Variants in ARHGAP32 observed in about 807,000 individuals in gnomAD.
The protein encoded by ARHGAP32 is rho GTPase-activating protein 32.
In ARHGAP32, 51 loss-of-function variants were observed where a neutral mutation model predicts 186.5. The observed-to-expected ratio is 0.27, with a 90% CI of 0.22 to 0.35. The LOEUF is 0.35. Ranked by LOEUF, ARHGAP32 falls within the 10% of genes least tolerant of loss-of-function variation. The pLI is 1.00. For synonymous variants in ARHGAP32, 950 were observed against 964.3 expected (o/e 0.99, Z 0.27); for missense variants, 2,186 against 2,623.5 (o/e 0.83, Z 3.64).
intron 2 of ARHGAP32, among the ~76,000 whole-genome samples, chr11:129,155,875 C>T (rs777507188): frequency 6.6e-6 from 1 of 152,078 alleles, no homozygotes; most frequent in Non-Finnish European, 1.5e-5. Flanking sequence ...CTGCAGGACT[C>T]GACCCATCTC....
intron 6 of ARHGAP32, among the ~76,000 whole-genome samples, chr11:129,074,356 CA>C (rs1565408913): frequency 6.6e-6 from 1 of 151,770 alleles, no homozygotes; most frequent in Non-Finnish European, 1.5e-5. Context: ...AGTAATAATA[CA>C]AAGGATAGAG....
At chr11:129,202,801 A>G (rs1288178138) in intron 1 of ARHGAP32, among the ~76,000 whole-genome samples, 2 of 152,162 alleles carry the variant, frequency 1.3e-5, no homozygotes, top group African/African-American at 4.8e-5. Flanking sequence ...ACTTTGTCTC[A>G]TTGCTTCCTT....
chr11:129,030,934 T>G (rs1168713807), intron 11 of ARHGAP32, among the ~76,000 whole-genome samples: 3 of 152,212 alleles, frequency 2.0e-5, no homozygotes, highest in Non-Finnish European at 4.4e-5. Context: ...TCTCTCTTGC[T>G]CCTACTCCTG....
intron 2 of ARHGAP32, among the ~76,000 whole-genome samples, chr11:129,163,170 T>C (rs1178897412): frequency 6.6e-6 from 1 of 152,216 alleles, no homozygotes; most frequent in Non-Finnish European, 1.5e-5. Context: ...TGAATTTATG[T>C]CAGTATTTGC....
chr11:128,999,205 G>A (rs1415256444), intron 11 of ARHGAP32, among the ~76,000 whole-genome samples: 1 of 152,162 alleles, frequency 6.6e-6, no homozygotes, highest in East Asian at 1.9e-4. Context: ...CCAGGGGGAG[G>A]TCTCTAACAT....
chr11:129,188,802 C>T (rs1944216918), intron 1 of ARHGAP32, among the ~76,000 whole-genome samples: 1 of 152,198 alleles, frequency 6.6e-6, no homozygotes, highest in Non-Finnish European at 1.5e-5. Flanking sequence ...ACGTGAAGAT[C>T]AGCGATCTGG....
chr11:129,083,732 A>G (rs1400894355), intron 6 of ARHGAP32, among the ~76,000 whole-genome samples: 1 of 152,222 alleles, frequency 6.6e-6, no homozygotes, highest in Non-Finnish European at 1.5e-5. Context: ...AAGAAGAAAC[A>G]TCTAATAACA....
intron 5 of ARHGAP32, among the ~76,000 whole-genome samples, chr11:129,117,444 T>C (rs1026748050): frequency 2.6e-5 from 4 of 152,004 alleles, no homozygotes; most frequent in Non-Finnish European, 4.4e-5. Flanking sequence ...TTGTTTGCAT[T>C]ATTACCCCTC....
At chr11:129,106,064 G>C (rs1327209880) in intron 5 of ARHGAP32, among the ~76,000 whole-genome samples, 2 of 152,280 alleles carry the variant, frequency 1.3e-5, no homozygotes, top group East Asian at 3.9e-4. Context: ...CTTATATACT[G>C]TTGTTGGGAA....
chr11:129,141,622 TA>T (rs71472089), intron 2 of ARHGAP32, among the ~76,000 whole-genome samples: 19,691 of 133,414 alleles, frequency 0.15, 1,412 homozygotes, highest in Non-Finnish European at 0.17. Flanking sequence ...AAAGTATAAT[TA>T]AAAAAAAAAA....
At chr11:129,210,344 G>A (rs899488371) in intron 1 of ARHGAP32, among the ~76,000 whole-genome samples, 1 of 152,150 alleles carries the variant, frequency 6.6e-6, no homozygotes, top group Non-Finnish European at 1.5e-5. Context: ...AACTGTATGG[G>A]AAATTTTCAC....
intron 1 of ARHGAP32, among the ~76,000 whole-genome samples, chr11:129,246,543 C>T (rs1175082735): frequency 2.6e-5 from 4 of 151,826 alleles, no homozygotes; most frequent in Non-Finnish European, 5.9e-5. Flanking sequence ...TAAAATGAAC[C>T]AAAAAGGTTC....
At chr11:129,126,066 T>C (rs1942652531) in intron 2 of ARHGAP32, 1 of 409,822 alleles carries the variant, frequency 2.4e-6, no homozygotes, top group African/African-American at 2.1e-5. Flanking sequence ...ATTTCATCAG[T>C]ACTCATCATC....
At chr11:129,061,435 C>T (rs565282009) in intron 10 of ARHGAP32, among the ~76,000 whole-genome samples, 2 of 152,264 alleles carry the variant, frequency 1.3e-5, no homozygotes, top group South Asian at 4.1e-4. Flanking sequence ...ATACTTTTTC[C>T]TATACATGCA....
chr11:129,147,104 C>T (rs915128463), intron 2 of ARHGAP32, among the ~76,000 whole-genome samples: 16 of 152,132 alleles, frequency 1.1e-4, no homozygotes, highest in African/African-American at 3.6e-4. Context: ...TAGCATTGCA[C>T]TTATTTATTC....
chr11:129,075,436 C>T (rs1186360910), intron 6 of ARHGAP32, among the ~76,000 whole-genome samples: 1 of 152,070 alleles, frequency 6.6e-6, no homozygotes, highest in African/African-American at 2.4e-5. Flanking sequence ...TCCAAGAAGA[C>T]ATAAAACAAT....
At chr11:129,233,613 T>C (rs1944887086) in intron 1 of ARHGAP32, among the ~76,000 whole-genome samples, 1 of 151,122 alleles carries the variant, frequency 6.6e-6, no homozygotes, top group Admixed American at 6.6e-5. Flanking sequence ...TGGCATGGTC[T>C]ATAATATTAA....
chr11:129,140,477 T>C (rs1003739160), intron 2 of ARHGAP32, among the ~76,000 whole-genome samples: 1 of 152,186 alleles, frequency 6.6e-6, no homozygotes, highest in East Asian at 1.9e-4. Flanking sequence ...ACTAACAACA[T>C]CTAAGACCTT....
chr11:129,259,465 A>G (rs769223664), intron 1 of ARHGAP32, among the ~76,000 whole-genome samples: 1 of 152,032 alleles, frequency 6.6e-6, no homozygotes, highest in Non-Finnish European at 1.5e-5. Flanking sequence ...TTCCTCTCTC[A>G]CACACACACA....
Sources: allele counts gnomAD v4.1 joint callset (sites outside exome capture counted in the v4.1 genomes callset), GRCh38; gene constraint gnomAD v4.1.1; transcripts MANE v1.5; gene names NCBI Gene and HGNC (gene_info 2026-07-23, HGNC 2026-07-21).